The following SAA1 variants were observed in gnomAD, a reference collection of about 807,000 sequenced individuals.
The protein encoded by SAA1 is serum amyloid A1.
In SAA1, 4 loss-of-function variants were observed where a neutral mutation model predicts 9.8. The observed-to-expected ratio is 0.41, with a 90% confidence interval of 0.20 to 0.93. The LOEUF (loss-of-function observed/expected upper bound fraction) is 0.93. SAA1 is among the 40% of genes least tolerant of loss of function. The pLI is 0.33. For synonymous variants in SAA1, 47 were observed against 57.7 expected (o/e 0.82, Z 0.84); for missense variants, 114 against 155.5 (o/e 0.73, Z 1.42).
At position 18,269,307 on chromosome 11, in the gene SAA1, G is replaced by A. The variant is rs572377874; in HGVS notation, c.204G>A (p.Gly68=). The stretch of plus-strand genomic sequence containing the variant: ...ATGATGCTGCCAAAAGGGGACCTGG[G>A]GGTGCCTGGGCTGCAGAAGTGATCA... ...GNYDAAKRGP[G]GAWAAEVITD... is the part of the protein sequence containing the mutation. The change falls in exon 3 of 4, where the codon GGG becomes GGA. Residue 68 remains glycine (G), a synonymous_variant. Transcript: ENST00000356524. 18 of 1,545,096 alleles carry A rather than the reference G, an allele frequency of 1.2e-5. No homozygotes were observed. In the African/African-American group the frequency reaches 2.5e-4, roughly 21 times the overall value.
At position 18,268,994 on chromosome 11, in the gene SAA1, G is replaced by T. The variant is rs372972407; in HGVS notation, c.92-201G>T. ...TCATAGGCAGCTTCATTCTATAGCA[G>T]TGGCTCTTCACCAGGGCACTTGAAG... On this transcript the variant is annotated intron_variant, in intron 2 of 3. Coordinates refer to ENST00000356524, the MANE Select transcript of SAA1 (RefSeq NM_199161.5). 2.0e-5 allele frequency among the ~76,000 whole-genome samples: 3 copies of T among 152,170 alleles called. No individual in the cohort carries two copies. In the East Asian group the frequency reaches 5.8e-4, roughly 29 times the overall value.
chr11:18,269,066 A>G, intron 2 of SAA1, 129 bp from the exon 3 acceptor site: 1 of 1,399,842 alleles, frequency 7.1e-7, no homozygotes, highest in Non-Finnish European at 9.6e-7. Context: ...ATGGTATCCA[A>G]GGCTGCTATG....
At chr11:18,267,356 C>T (rs1366164818) in intron 2 of SAA1, among the ~76,000 whole-genome samples, 3 of 66,050 alleles carry the variant, frequency 4.5e-5, no homozygotes. Flanking sequence ...TTGTGCTGCC[C>T]AATGTGCCTG....
Position 18,269,593 on chromosome 11 carries a change from T to C in SAA1, c.231-124T>C, listed in dbSNP as rs200041282. 81 of 1,449,648 alleles carry C rather than the reference T, an allele frequency of 5.6e-5. 1 individual carries two copies. In the East Asian group the frequency reaches 1.3e-3, roughly 24 times the overall value. 89.8% of individuals were successfully genotyped at this position (1,449,648 alleles called of 1,614,324 possible). On this transcript the variant is annotated intron_variant, in intron 3 of 3. Transcript: ENST00000356524. ...AATGGGGTGGTGCCCAGTGTTTTCA[T>C]CCCTCCTTCCTTGGCCTTTCTGGGC...
intron 2 of SAA1, among the ~76,000 whole-genome samples, chr11:18,268,743 G>T (rs1328817414): frequency 6.8e-6 from 1 of 147,360 alleles, no homozygotes; most frequent in Non-Finnish European, 1.5e-5. Context: ...TGAGGCAGAA[G>T]AATCTCTTGA....
rs1324424991 is a variant in SAA1, at chr11:18,267,024, C to T, written c.91+46C>T. On this transcript the variant is annotated intron_variant, in intron 2 of 3. Coordinates refer to ENST00000356524, the MANE Select transcript of SAA1 (RefSeq NM_199161.5). ...CAGGATTTCTGAAGAGAAACATCAC[C>T]CTGGACCTGATAAACTGGGGAAAAT... is the stretch of plus-strand genomic sequence containing the variant. 3 of 1,176,136 alleles carry T rather than the reference C, an allele frequency of 2.6e-6. 1 individual carries two copies. The allele number at this position is 1,176,136 out of a possible 1,614,324, so 72.9% of individuals were successfully genotyped here.
intron 2 of SAA1, among the ~76,000 whole-genome samples, chr11:18,268,333 G>C (rs145406388): frequency 9.2e-5 from 14 of 152,058 alleles, no homozygotes; most frequent in African/African-American, 3.1e-4. Flanking sequence ...GATCGCACCA[G>C]TGTCCTCCAA....
At chr11:18,267,616 C>T (rs1858074855) in intron 2 of SAA1, among the ~76,000 whole-genome samples, 1 of 130,056 alleles carries the variant, frequency 7.7e-6, no homozygotes, top group Non-Finnish European at 1.7e-5. Context: ...TCTTTAGCCT[C>T]GCTCTGTCAG....
chr11:18,268,850 AAAAAAAAAAAAAAG>A (rs1338396216), intron 2 of SAA1, among the ~76,000 whole-genome samples: 1 of 16,656 alleles, frequency 6.0e-5, no homozygotes, highest in African/African-American at 1.6e-4. Context: ...AAAAAAAAAA[AAAAAAAAAAAAAAG>A]AATATAAACT....
At chr11:18,268,232 C>T (rs568026495) in intron 2 of SAA1, among the ~76,000 whole-genome samples, 25 of 152,134 alleles carry the variant, frequency 1.6e-4, no homozygotes, top group African/African-American at 6.0e-4. Context: ...TGTAGCCAGG[C>T]GTGGTGGCAG....
chr11:18,268,831 T>TAAAAAAAAA lies in SAA1; in HGVS notation c.92-340_92-332dup, dbSNP rs371021832. On this transcript the variant is annotated intron_variant, in intron 2 of 3. Transcript: ENST00000356524. Reference sequence around the variant, plus strand: ...CTGGGCGACAGAGCAAGACTCTGTCTAAAAAAAAAAAAAAAAAAAAAAAAA... The same window carrying TAAAAAAAAA: ...CTGGGCGACAGAGCAAGACTCTGTCTAAAAAAAAAAAAAAAAAAAAAAAAAAAAAAAAAA... Among the ~76,000 whole-genome samples, 42 of 110,558 alleles carry TAAAAAAAAA rather than the reference T, an allele frequency of 3.8e-4. 1 individual carries two copies. The highest frequency in any genetic ancestry group is 9.3e-4 in the African/African-American group (26 of 28,026). 72.5% of individuals were successfully genotyped at this position (110,558 alleles called of 152,430 possible).
intron 2 of SAA1, among the ~76,000 whole-genome samples, chr11:18,268,508 C>G (rs10766464): frequency 0.46 from 69,246 of 151,764 alleles, 16,176 homozygotes; most frequent in Non-Finnish European, 0.52. Flanking sequence ...CTGGAACTCA[C>G]GTCACAATGA....
chr11:18,268,911 C>G (rs888233834), intron 2 of SAA1, among the ~76,000 whole-genome samples: 3 of 151,282 alleles, frequency 2.0e-5, no homozygotes, highest in Admixed American at 6.6e-5. Flanking sequence ...TGTCTGCCAC[C>G]TTTCTCAGCA....
Position 18,269,778 on chromosome 11 carries a change from C to CA in SAA1, c.293dup (p.Ala99GlyfsTer4). ...TGGTGCGGAGGACTCGCTGGCTGAT[C>CA]AGGCTGCCAATGAATGGGGCAGGAG... On this transcript the variant is annotated frameshift_variant, in exon 4 of 4. Coordinates refer to ENST00000356524, the MANE Select transcript of SAA1 (RefSeq NM_199161.5). LOFTEE classifies it high-confidence loss of function. The CA allele has an allele frequency of 1.2e-6, 2 of 1,614,100 alleles. No individual in the cohort carries two copies. Among genetic ancestry groups the CA allele is most frequent in the Non-Finnish European group, 1.7e-6 (2 of 1,179,956 alleles).
Position 18,269,895 on chromosome 11 carries a change from G to C in SAA1, c.*40G>C. ...CTGCTCTCAGGAGATCTGGCTGTGA[G>C]GCCCTCAGGGCAGGGATACAAAGCG... On this transcript the variant is annotated 3_prime_UTR_variant, in exon 4 of 4. Transcript: ENST00000356524. 1 of 1,610,844 alleles carries C rather than the reference G, an allele frequency of 6.2e-7. No homozygotes were observed. Among genetic ancestry groups the C allele is most frequent in the South Asian group, 1.1e-5 (1 of 90,836 alleles).
chr11:18,268,386 G>C (rs1160786427), intron 2 of SAA1, among the ~76,000 whole-genome samples: 6 of 151,772 alleles, frequency 4.0e-5, no homozygotes, highest in Non-Finnish European at 5.9e-5. Flanking sequence ...AAATGAAAAA[G>C]AAAGTGCAGC....
Position 18,269,222 on chromosome 11 carries a change from C to T in SAA1, c.119C>T (p.Ser40Phe), listed in dbSNP as rs1858136696. ...GCTCGGGACATGTGGAGAGCCTACT[C>T]TGACATGAGAGAAGCCAATTACATC... Reference protein sequence around the residue: ...DGARDMWRAYSDMREANYIGS... With the variant: ...DGARDMWRAYFDMREANYIGS... The change falls in exon 3 of 4, where the codon TCT (serine) becomes TTT (phenylalanine). Residue 40 changes from serine (S) to phenylalanine (F), a missense_variant. By Grantham distance (155) the Ser-to-Phe change is radical (BLOSUM62 -2). This residue lies in a region of SAA1 where 46 missense variants were observed against 100.8 expected (regional missense o/e 0.46). Transcript: ENST00000356524. 6.3e-7 allele frequency: 1 copy of T among 1,599,872 alleles called. No homozygotes were observed. The highest frequency in any genetic ancestry group is 1.4e-5 in the African/African-American group (1 of 73,858).
At chr11:18,268,831 TAAAAAAA>T (rs371021832) in intron 2 of SAA1, among the ~76,000 whole-genome samples, 96 of 110,610 alleles carry the variant, frequency 8.7e-4, no homozygotes, top group African/African-American at 3.1e-3. Context: ...AGACTCTGTC[TAAAAAAA>T]AAAAAAAAAA....
rs1059567 is a variant in SAA1, at chr11:18,269,790, G to C, written c.304G>C (p.Glu102Gln). 1.2e-6 allele frequency: 2 copies of C among 1,613,986 alleles called. No homozygotes were observed. The highest frequency in any genetic ancestry group is 3.3e-5 in the Admixed American group (2 of 60,002). Residue 102 changes from glutamate (E) to glutamine (Q), a missense_variant, in exon 4 of 4, where the codon GAA becomes CAA. By Grantham distance (29) the Glu-to-Gln change is conservative. Coordinates refer to ENST00000356524, the MANE Select transcript of SAA1 (RefSeq NM_199161.5). ...CTCGCTGGCTGATCAGGCTGCCAAT[G>C]AATGGGGCAGGAGTGGCAAAGACCC... ...EDSLADQAAN[E>Q]WGRSGKDPNH...
Sources: gnomAD v4.1 joint callset for allele counts (sites outside exome capture counted in the v4.1 genomes callset) on GRCh38, gnomAD v4.1.1 for gene constraint, gnomAD v4.1.1 regional missense constraint, MANE v1.5 for transcripts, NCBI Gene and HGNC (gene_info 2026-07-23, HGNC 2026-07-21) for gene names.